Variants in CNGB1 observed in about 807,000 individuals in gnomAD.
CNGB1 encodes the protein cyclic nucleotide-gated channel beta-1.
In CNGB1, 126 loss-of-function variants were observed where a neutral mutation model predicts 151.7. That is an observed-to-expected ratio of 0.83 (90% CI 0.72 to 0.96). The LOEUF is 0.96. Ranked by LOEUF, CNGB1 falls within the 40% of genes least tolerant of loss-of-function variation. The pLI, the probability that CNGB1 is intolerant of heterozygous loss-of-function variation, is 0.00. For missense variants in CNGB1, 1,698 were observed against 1,627.0 expected, an observed-to-expected ratio of 1.04 and a Z score of -0.75; for synonymous variants, 623 against 635.1, an observed-to-expected ratio of 0.98 and a Z score of 0.29.
chr16:57,893,678 G>A (rs1203816381), intron 31 of CNGB1, among the ~76,000 whole-genome samples: 1 of 152,068 alleles, frequency 6.6e-6, no homozygotes, highest in African/African-American at 2.4e-5. Flanking sequence ...TGTGCCTGCA[G>A]TAGTCCCAGC....
At chr16:57,911,897 T>G in intron 24 of CNGB1, 22 bp from the exon 25 acceptor site, 1 of 1,612,396 alleles carries the variant, frequency 6.2e-7, no homozygotes, top group East Asian at 2.2e-5. Flanking sequence ...ACACAGCGCA[T>G]GAACACAGCG....
intron 29 of CNGB1, among the ~76,000 whole-genome samples, chr16:57,900,098 G>A (rs1226997034): frequency 1.3e-5 from 2 of 152,200 alleles, no homozygotes; most frequent in Non-Finnish European, 2.9e-5. Flanking sequence ...ACCACCCCAT[G>A]AGGGAGGTAC....
rs535099797 is a variant in CNGB1 at position 57,905,418 on chromosome 16, A to G, written c.2493-543T>C. 7.2e-5 allele frequency among the ~76,000 whole-genome samples: 11 copies of G among 152,332 alleles called. 2 individuals carry two copies. Among genetic ancestry groups the G allele is most frequent in the African/African-American group, 2.6e-4 (11 of 41,570 alleles). On this transcript the variant is annotated intron_variant, in intron 25 of 32. Coordinates refer to ENST00000251102, the MANE Select transcript of CNGB1 (RefSeq NM_001297.5). ...GCACACCCGTGGTCACTAGTTGGTAAGTACAAGAGCTGGGCGCTGTCTGCT... is the reference window on the plus strand; with the variant it reads ...GCACACCCGTGGTCACTAGTTGGTAGGTACAAGAGCTGGGCGCTGTCTGCT...
At chr16:57,886,725 AACAG>A (rs1444982470) in intron 32 of CNGB1, among the ~76,000 whole-genome samples, 1 of 152,026 alleles carries the variant, frequency 6.6e-6, no homozygotes, top group Non-Finnish European at 1.5e-5. Flanking sequence ...GACAGCCGTG[AACAG>A]ACATAATTAA....
At chr16:57,920,065 A>G (rs1366805904) in intron 19 of CNGB1, among the ~76,000 whole-genome samples, 2 of 152,174 alleles carry the variant, frequency 1.3e-5, no homozygotes, top group Non-Finnish European at 1.5e-5. Context: ...ACACAATCTG[A>G]GTGTAAGACC....
At chr16:57,955,652 A>C (rs1367420589) in intron 12 of CNGB1, among the ~76,000 whole-genome samples, 1 of 152,182 alleles carries the variant, frequency 6.6e-6, no homozygotes, top group African/African-American at 2.4e-5. Flanking sequence ...TCCCGGATTG[A>C]GGGTGGGCCC....
At position 57,950,534 on chromosome 16, in the gene CNGB1, A is replaced by G; in HGVS notation, c.881T>C (p.Ile294Thr). 1 of 1,614,128 alleles carries G rather than the reference A, an allele frequency of 6.2e-7. No individual in the cohort carries two copies. The highest frequency in any genetic ancestry group is 1.1e-5 in the South Asian group (1 of 91,082). Residue 294 changes from isoleucine to threonine, a missense_variant, in exon 13 of 33, where the codon ATC (isoleucine) becomes ACC (threonine). Transcript: ENST00000251102. ...AGGCTCCACTTGTCCTCCAGGAAGG[A>G]TGCTGACTGCAGGGAACACAGGAAG... ...PGICDVQTISILPGGQVEPDL... is the reference protein window; with the variant it reads ...PGICDVQTISTLPGGQVEPDL...
intron 14 of CNGB1, among the ~76,000 whole-genome samples, chr16:57,945,045 G>A (rs1961771485): frequency 6.6e-6 from 1 of 151,106 alleles, no homozygotes; most frequent in South Asian, 2.1e-4. Flanking sequence ...ACATAACCCT[G>A]ACAGATCGTA....
Position 57,949,323 on chromosome 16 carries a change from C to T in CNGB1, c.1121+30G>A, listed in dbSNP as rs770960243. The T allele has an allele frequency of 6.9e-6, 11 of 1,604,826 alleles. No individual in the cohort carries two copies. In the East Asian group the frequency reaches 1.1e-4, roughly 16 times the overall value. ...GCTCAGCCAACCCCAGCCCCAGGGC[C>T]GTTCCCAGACAGGTGAGCAAATGAC... On this transcript the variant is annotated intron_variant, in intron 14 of 32. Transcript: ENST00000251102.
chr16:57,965,992 A>G (rs543109858), intron 2 of CNGB1, among the ~76,000 whole-genome samples: 2 of 152,142 alleles, frequency 1.3e-5, no homozygotes, highest in Admixed American at 1.3e-4. Context: ...CACACCCTAT[A>G]CCTGTTTCCT....
At position 57,912,920 on chromosome 16, in the gene CNGB1, G is replaced by C. The variant is rs1960769628; in HGVS notation, c.2369+10C>G. On this transcript the variant is annotated intron_variant, in intron 24 of 32. Transcript: ENST00000251102. Reference sequence around the variant, plus strand: ...TGTGTGCATGCATGCACATGCAGGGGGAGTCTCACCTGTACACGTAGGCTT... The same window carrying C: ...TGTGTGCATGCATGCACATGCAGGGCGAGTCTCACCTGTACACGTAGGCTT... 1 of 1,613,710 alleles carries C rather than the reference G, an allele frequency of 6.2e-7. No individual in the cohort carries two copies.
chr16:57,903,952 G>A lies in CNGB1; in HGVS notation c.2664C>T (p.Ala888=), dbSNP rs413562. 3 of 1,613,758 alleles carry A rather than the reference G, an allele frequency of 1.9e-6. No homozygotes were observed. Among genetic ancestry groups the A allele is most frequent in the African/African-American group, 2.7e-5 (2 of 74,898 alleles). ...TGCAGCTGCGGTAGTAGGTCTGTCC[G>A]GCGGTGGCGGCCCCTACCACATCTC... The part of the protein sequence containing the change: ...QMRDVVGAAT[A]GQTYYRSCMD... The change falls in exon 27 of 33, where the codon GCC becomes GCT. Residue 888 remains alanine (A), a synonymous_variant. Coordinates refer to ENST00000251102, the MANE Select transcript of CNGB1 (RefSeq NM_001297.5).
At chr16:57,923,131 A>G (rs1466348043) in intron 18 of CNGB1, 142 bp downstream of exon 18, 12 of 586,184 alleles carry the variant, frequency 2.0e-5, no homozygotes, top group Non-Finnish European at 3.3e-5. Context: ...TGGGCAGGCG[A>G]CCGATCCCGA....
At chr16:57,917,592 G>T in intron 20 of CNGB1, 116 bp from the exon 21 acceptor site, 2 of 847,448 alleles carry the variant, frequency 2.4e-6, no homozygotes, top group Non-Finnish European at 4.0e-6. Context: ...TGGCACTTTT[G>T]TAAGAGTGTG....
chr16:57,916,271 C>T, intron 21 of CNGB1, 92 bp from the exon 22 acceptor site: 3 of 1,292,322 alleles, frequency 2.3e-6, no homozygotes, highest in Non-Finnish European at 3.4e-6. Context: ...AGAACCCCAC[C>T]CTGAAACGAG....
At chr16:57,901,245 A>G (rs548923623) in intron 29 of CNGB1, 107 bp downstream of exon 29, 2 of 1,100,864 alleles carry the variant, frequency 1.8e-6, no homozygotes, top group African/African-American at 1.5e-5. Flanking sequence ...TCCCTCCCCA[A>G]CAATCTCGCT....
In CNGB1 at chr16:57,953,896, AAAC is replaced by A. The variant is rs372068349; in HGVS notation, c.875-3359_875-3357del. ...AAAAAGAAAGAAAGAAAGAAAAAAA[AAAC>A]AACACAGAACCAAATTCCCAGCTCC... On this transcript the variant is annotated intron_variant, in intron 12 of 32. Coordinates refer to ENST00000251102, the MANE Select transcript of CNGB1 (RefSeq NM_001297.5). Among the ~76,000 whole-genome samples the A allele has an allele frequency of 7.8e-4, 119 of 152,190 alleles. 2 individuals carry two copies. In the East Asian group the frequency reaches 0.016, roughly 21 times the overall value.
intron 1 of CNGB1, among the ~76,000 whole-genome samples, chr16:57,969,288 T>C (rs8059027): frequency 0.8 from 122,404 of 152,066 alleles, 49,454 homozygotes; most frequent in Admixed American, 0.85. Flanking sequence ...CCTGCCTGGG[T>C]GACAGAGCAA....
In CNGB1 at chr16:57,931,710, G is replaced by A; in HGVS notation, c.1535+6C>T. 6.2e-7 allele frequency: 1 copy of A among 1,614,004 alleles called. No homozygotes were observed. The highest frequency in any genetic ancestry group is 8.5e-7 in the Non-Finnish European group (1 of 1,179,976). On this transcript the variant is annotated splice_donor_region_variant and intron_variant, in intron 17 of 32. Coordinates refer to ENST00000251102, the MANE Select transcript of CNGB1 (RefSeq NM_001297.5). ...AGAAAAGCCCAAGAGAAGCATAAAA[G>A]GTAACCTGTGTGTCCCCGAGGCTGA...
Sources: allele counts gnomAD v4.1 joint callset (sites outside exome capture counted in the v4.1 genomes callset), GRCh38; gene constraint gnomAD v4.1.1; transcripts MANE v1.5; gene names NCBI Gene and HGNC (gene_info 2026-07-23, HGNC 2026-07-21).